ADAMTS5: variants seen among roughly 807,000 people sequenced by gnomAD.
ADAMTS5 encodes the protein A disintegrin and metalloproteinase with thrombospondin motifs 5.
Under a neutral mutation model 81.4 loss-of-function variants are expected in ADAMTS5, and 54 were observed. The ratio of observed to expected loss-of-function variants is 0.66; its 90% CI spans 0.53 to 0.83. The LOEUF is 0.83. Ranked by LOEUF, ADAMTS5 falls within the 40% of genes least tolerant of loss-of-function variation. The pLI is 0.00. For synonymous variants in ADAMTS5, 532 were observed against 508.8 expected, an observed-to-expected ratio of 1.05 and a Z score of -0.61; for missense variants, 1,194 against 1,229.9, an observed-to-expected ratio of 0.97 and a Z score of 0.44.
chr21:26,935,450 T>C (rs11910874), intron 3 of ADAMTS5, among the ~76,000 whole-genome samples: 3,972 of 152,252 alleles, frequency 0.026, 179 homozygotes, highest in African/African-American at 0.09. Context: ...ATAATTTTAA[T>C]AAAAAGTTTT....
In ADAMTS5 at chr21:26,966,754, C is replaced by G. The variant is rs939859127; in HGVS notation, c.-363G>C. Among the ~76,000 whole-genome samples, 1 of 151,762 alleles carries G rather than the reference C, an allele frequency of 6.6e-6. No individual in the cohort carries two copies. Among genetic ancestry groups the G allele is most frequent in the African/African-American group, 2.4e-5 (1 of 41,334 alleles). On this transcript the variant is annotated 5_prime_UTR_variant, in exon 1 of 8. Transcript: ENST00000284987. Reference sequence around the variant, plus strand: ...CCAAATGCAGGCACGATCGCTGTTTCAAGAAAAGTAAGGAAAGGTACCGCG... The same window carrying G: ...CCAAATGCAGGCACGATCGCTGTTTGAAGAAAAGTAAGGAAAGGTACCGCG...
Position 26,943,317 on chromosome 21 carries a change from A to C in ADAMTS5, c.1405+63T>G, listed in dbSNP as rs1171782004. ...GATGAATATTATGAGGATATAATGAAGTCAAACTCCTAAGAATCCCAAATT... is the reference window on the plus strand; with the variant it reads ...GATGAATATTATGAGGATATAATGACGTCAAACTCCTAAGAATCCCAAATT... On this transcript the variant is annotated intron_variant, in intron 3 of 7. Transcript: ENST00000284987. 6.4e-5 allele frequency: 92 copies of C among 1,446,820 alleles called. 1 individual carries two copies. Among genetic ancestry groups the C allele is most frequent in the Non-Finnish European group, 8.5e-5 (90 of 1,056,644 alleles). 89.6% of individuals were successfully genotyped at this position (1,446,820 alleles called of 1,614,324 possible).
intron 2 of ADAMTS5, among the ~76,000 whole-genome samples, chr21:26,945,160 A>C (rs1471544477): frequency 6.6e-6 from 1 of 151,964 alleles, no homozygotes; most frequent in Non-Finnish European, 1.5e-5. Context: ...GAAAAAAAAA[A>C]AAAACAATCT....
chr21:26,965,188 C>A, intron 1 of ADAMTS5, 100 bp downstream of exon 1: 1 of 1,477,432 alleles, frequency 6.8e-7, no homozygotes, highest in South Asian at 1.3e-5. Flanking sequence ...ACATCCACAG[C>A]TGCAGGAGGT....
chr21:26,949,199 GGA>G (rs71183587), intron 2 of ADAMTS5, among the ~76,000 whole-genome samples: 3,375 of 138,282 alleles, frequency 0.024, 127 homozygotes, highest in African/African-American at 0.08. Flanking sequence ...ATATATATAT[GGA>G]GAGAGAGAGA....
rs146113196 is a variant in ADAMTS5, at chr21:26,965,495, A to G, written c.897T>C (p.Asn299=). The G allele has an allele frequency of 1.2e-6, 2 of 1,614,210 alleles. No individual in the cohort carries two copies. The highest frequency in any genetic ancestry group is 1.7e-6 in the Non-Finnish European group (2 of 1,180,028). The change falls in exon 1 of 8, where the codon AAT becomes AAC. Residue 299 remains asparagine (N), a synonymous_variant. Coordinates refer to ENST00000284987, the MANE Select transcript of ADAMTS5 (RefSeq NM_007038.5). ...CGATGCTAGCATGGCTGTACAGCCT[A>G]TTGGCGATGGAGGCCAGGGTCAGCA... ...HYLLTLASIA[N]RLYSHASIEN... is the part of the protein sequence containing the mutation.
At chr21:26,939,055 C>A (rs1029513956) in intron 3 of ADAMTS5, among the ~76,000 whole-genome samples, 1 of 152,150 alleles carries the variant, frequency 6.6e-6, no homozygotes. Context: ...ATCTCACTGC[C>A]CTTGCCCCTC....
At position 26,924,368 on chromosome 21, in the gene ADAMTS5, C is replaced by A. The variant is rs373445194; in HGVS notation, c.2478G>T (p.Thr826=). ...GAATCTGCACTATTAGAATTTCCTT[C>A]GTGGCAGAGTAGCCCATGCCATGCA... ...DFLHGMGYSA[T]KEILIVQILA... Residue 826 remains threonine, a synonymous_variant, in exon 8 of 8, where the codon ACG becomes ACT. Coordinates refer to ENST00000284987, the MANE Select transcript of ADAMTS5 (RefSeq NM_007038.5). The A allele has an allele frequency of 5.0e-6, 8 of 1,614,136 alleles. No individual in the cohort carries two copies. The highest frequency in any genetic ancestry group is 6.8e-6 in the Non-Finnish European group (8 of 1,179,980).
At chr21:26,945,582 A>AT (rs1893763615) in intron 2 of ADAMTS5, among the ~76,000 whole-genome samples, 1 of 152,204 alleles carries the variant, frequency 6.6e-6, no homozygotes, top group Non-Finnish European at 1.5e-5. Context: ...TATAGGACAC[A>AT]TGGCAGACAC....
At chr21:26,955,977 A>G (rs1987418891) in intron 1 of ADAMTS5, among the ~76,000 whole-genome samples, 1 of 152,184 alleles carries the variant, frequency 6.6e-6, no homozygotes, top group Non-Finnish European at 1.5e-5. Flanking sequence ...TTGTATGCCC[A>G]ACTTCCATAT....
intron 3 of ADAMTS5, among the ~76,000 whole-genome samples, chr21:26,941,720 T>C (rs891382591): frequency 6.6e-6 from 1 of 152,114 alleles, no homozygotes; most frequent in African/African-American, 2.4e-5. Context: ...CATGTGATTT[T>C]GAAATAAAAT....
chr21:26,958,033 A>G (rs2123204593), intron 1 of ADAMTS5, among the ~76,000 whole-genome samples: 1 of 152,282 alleles, frequency 6.6e-6, no homozygotes, highest in Middle Eastern at 3.4e-3. Context: ...TGCTCAGAAG[A>G]TAGTGTGAAC....
chr21:26,949,182 C>T (rs1371310709), intron 2 of ADAMTS5, among the ~76,000 whole-genome samples: 2 of 147,228 alleles, frequency 1.4e-5, no homozygotes, highest in East Asian at 3.9e-4. Context: ...ATATATATCA[C>T]ACATATATAT....
intron 2 of ADAMTS5, among the ~76,000 whole-genome samples, chr21:26,952,356 A>G (rs973713682): frequency 6.6e-6 from 1 of 152,198 alleles, no homozygotes; most frequent in Admixed American, 6.5e-5. Context: ...GTACACACAC[A>G]TGTATATATT....
intron 6 of ADAMTS5, 41 bp downstream of exon 6, chr21:26,931,963 C>G: frequency 6.5e-7 from 1 of 1,533,868 alleles, no homozygotes; most frequent in South Asian, 1.3e-5. Flanking sequence ...ATAATTTCCA[C>G]CAGTACGCCT....
chr21:26,928,640 C>T (rs980194200), intron 7 of ADAMTS5, among the ~76,000 whole-genome samples: 2 of 151,370 alleles, frequency 1.3e-5, no homozygotes, highest in East Asian at 3.9e-4. Flanking sequence ...CTTCCTCTTT[C>T]TTTCTCTTTC....
chr21:26,951,186 C>T (rs570937285), intron 2 of ADAMTS5, among the ~76,000 whole-genome samples: 17 of 152,236 alleles, frequency 1.1e-4, no homozygotes, highest in Admixed American at 7.2e-4. Context: ...TGCGTTTCCA[C>T]GAGAACCTGT....
rs1986623602 is a variant in ADAMTS5, at chr21:26,918,483, T to A, written c.*5570A>T. On this transcript the variant is annotated 3_prime_UTR_variant, in exon 8 of 8. Transcript: ENST00000284987. ...AGTCTATTTAGTTATCTGCAAAGTCTATTTACAAAGCATATGTATGATTTC... is the reference window on the plus strand; with the variant it reads ...AGTCTATTTAGTTATCTGCAAAGTCAATTTACAAAGCATATGTATGATTTC... 6.6e-6 allele frequency: 1 copy of A among 152,090 alleles called. No homozygotes were observed. The highest frequency in any genetic ancestry group is 1.5e-5 in the Non-Finnish European group (1 of 67,956). 9.4% of individuals were successfully genotyped at this position (152,090 alleles called of 1,614,324 possible).
intron 1 of ADAMTS5, among the ~76,000 whole-genome samples, chr21:26,963,617 C>G (rs1188660232): frequency 9.6e-6 from 1 of 104,590 alleles, no homozygotes; most frequent in African/African-American, 3.6e-5. Context: ...GAGCAAGGAA[C>G]CCCAGACACG....
Sources: gnomAD v4.1 joint callset for allele counts (sites outside exome capture counted in the v4.1 genomes callset) on GRCh38, gnomAD v4.1.1 for gene constraint, MANE v1.5 for transcripts, NCBI Gene and HGNC (gene_info 2026-07-23, HGNC 2026-07-21) for gene names.